SLX4: variants seen among roughly 807,000 people sequenced by gnomAD.
The protein encoded by SLX4 is structure-specific endonuclease subunit SLX4.
SLX4 carries 112 observed loss-of-function variants against 146.2 expected under a neutral mutation model. The ratio of observed to expected loss-of-function variants is 0.77; its 90% CI spans 0.66 to 0.90. The LOEUF (loss-of-function observed/expected upper bound fraction) is 0.90. Ranked by LOEUF, SLX4 falls within the 40% of genes least tolerant of loss-of-function variation. The pLI is 0.00. For missense variants in SLX4, 2,563 were observed against 2,392.7 expected, an observed-to-expected ratio of 1.07 and a Z score of -1.49; for synonymous variants, 1,061 against 997.7, an observed-to-expected ratio of 1.06 and a Z score of -1.20.
rs1261677851 is a variant in SLX4, at chr16:3,595,644, T to C, written c.1974A>G (p.Pro658=). The change falls in exon 9 of 15, where the codon CCA becomes CCG. Residue 658 remains proline, a synonymous_variant. Transcript: ENST00000294008. The part of the protein sequence containing the change: ...GGLPLTGFVV[P]SQDKHPDRGG... Reference sequence around the variant, plus strand: ...CCCTGTCCGGGTGCTTGTCCTGCGATGGCACCACAAACCCAGTCAGAGGAA... The same window carrying C: ...CCCTGTCCGGGTGCTTGTCCTGCGACGGCACCACAAACCCAGTCAGAGGAA... 1 of 1,613,962 alleles carries C rather than the reference T, an allele frequency of 6.2e-7. No individual in the cohort carries two copies. The highest frequency in any genetic ancestry group is 8.5e-7 in the Non-Finnish European group (1 of 1,180,042).
In SLX4 at chr16:3,601,093, G is replaced by A; in HGVS notation, c.1049C>T (p.Thr350Ile). Residue 350 changes from threonine (T) to isoleucine (I), a missense_variant, in exon 5 of 15, where the codon ACC becomes ATC. By Grantham distance (89) the Thr-to-Ile change is moderately conservative (BLOSUM62 -1). Transcript: ENST00000294008. ...GKPFLTLKSR[T>I]SHLKQCAVKM... ...CACAGCACACTGCTTCAAGTGACTG[G>A]TTCTGCTCTTTAAGGTAAGAAACGG... 2 of 1,614,160 alleles carry A rather than the reference G, an allele frequency of 1.2e-6. No homozygotes were observed. The highest frequency in any genetic ancestry group is 2.2e-5 in the East Asian group (1 of 44,882).
chr16:3,597,690 T>C lies in SLX4; in HGVS notation c.1372A>G (p.Lys458Glu), dbSNP rs149126845. ...SERIRPEAEN[K>E]SRKKKPPVSP... ...ACCGGGGGTTTCTTCTTGCGACTTT[T>C]ATTCTCTAGAGAGAAACAAAAGCGA... Residue 458 changes from lysine to glutamate, a missense_variant, in exon 7 of 15, where the codon AAA (lysine) becomes GAA (glutamate). Transcript: ENST00000294008. The surrounding 1 kb of genome is among the most constrained non-coding windows in gnomAD (Gnocchi z 4.4). The C allele has an allele frequency of 7.8e-4, 1,259 of 1,613,912 alleles. No individual in the cohort carries two copies. The highest frequency in any genetic ancestry group is 1.8e-3 in the Admixed American group (110 of 60,008).
rs776332160 is a variant in SLX4, at chr16:3,589,337, G to C, written c.4301C>G (p.Ser1434Trp). 2 of 1,579,290 alleles carry C rather than the reference G, an allele frequency of 1.3e-6. No homozygotes were observed. The highest frequency in any genetic ancestry group is 1.4e-5 in the African/African-American group (1 of 73,952). Reference protein sequence around the residue: ...DDCCWHMEPLSPIPIDHWNLE... With the variant: ...DDCCWHMEPLWPIPIDHWNLE... ...GTTCCAGTGGTCAATGGGAATTGGC[G>C]AGAGGGGCTCCATGTGCCAGCAGCA... is the stretch of plus-strand genomic sequence containing the variant. Residue 1434 changes from serine (S) to tryptophan (W), a missense_variant, in exon 12 of 15, where the codon TCG (serine) becomes TGG (tryptophan). Coordinates refer to ENST00000294008, the MANE Select transcript of SLX4 (RefSeq NM_032444.4). The surrounding 1 kb of genome is among the most constrained non-coding windows in gnomAD (Gnocchi z 6.2).
chr16:3,586,592 C>T (rs1252184450), intron 12 of SLX4, among the ~76,000 whole-genome samples: 2 of 152,126 alleles, frequency 1.3e-5, no homozygotes, highest in Admixed American at 1.3e-4. Flanking sequence ...GGGTGGATCA[C>T]TTGAGGTTAG....
Position 3,589,232 on chromosome 16 carries a change from G to A in SLX4, c.4406C>T (p.Ser1469Phe), listed in dbSNP as rs759045352. Residue 1469 changes from serine (S) to phenylalanine (F), a missense_variant, in exon 12 of 15, where the codon TCC (serine) becomes TTC (phenylalanine). Ser to Phe is a radical substitution (Grantham distance 155). Coordinates refer to ENST00000294008, the MANE Select transcript of SLX4 (RefSeq NM_032444.4). This position sits in a 1 kb window ranked among gnomAD's most constrained non-coding sequence, Gnocchi z 6.2. ...GGGGGTGGTGTCCAGGAGTCCCGGG[G>A]AGCGACAGTCACGGCTGTCGGCGGC... ...NEAADSRDCR[S>F]PGLLDTTPIR... The A allele has an allele frequency of 8.7e-6, 14 of 1,609,794 alleles. No individual in the cohort carries two copies. Among genetic ancestry groups the A allele is most frequent in the Admixed American group, 6.7e-5 (4 of 59,838 alleles).
intron 3 of SLX4, among the ~76,000 whole-genome samples, chr16:3,605,125 T>C (rs1378550724): frequency 6.6e-6 from 1 of 151,840 alleles, no homozygotes; most frequent in Non-Finnish European, 1.5e-5. Context: ...AGTCTTGCTC[T>C]GTTGCCCAGG....
chr16:3,608,923 C>T lies in SLX4; in HGVS notation c.42G>A (p.Leu14=), dbSNP rs1332832206. 6.2e-7 allele frequency: 1 copy of T among 1,613,994 alleles called. No individual in the cohort carries two copies. Among genetic ancestry groups the T allele is most frequent in the Admixed American group, 1.7e-5 (1 of 60,008 alleles). Residue 14 remains leucine (L), a synonymous_variant, in exon 2 of 15, where the codon TTG becomes TTA. Coordinates refer to ENST00000294008, the MANE Select transcript of SLX4 (RefSeq NM_032444.4). ...AGGCAGACAGATGAGAAAGTGAACC[C>T]AAGTAGAAGCCTAGCTGAGCCTCAT... ...SVNEAQLGFY[L]GSLSHLSACP... is the part of the protein sequence containing the mutation.
intron 1 of SLX4, among the ~76,000 whole-genome samples, chr16:3,609,919 C>T (rs561869385): frequency 2.0e-4 from 30 of 152,300 alleles, no homozygotes; most frequent in African/African-American, 7.0e-4. Context: ...GATCTAAGAC[C>T]CCTGGCTGTT....
At position 3,583,317 on chromosome 16, in the gene SLX4, G is replaced by C. The variant is rs778870673; in HGVS notation, c.4933C>G (p.Gln1645Glu). Residue 1645 changes from glutamine to glutamate, a missense_variant, in exon 14 of 15, where the codon CAG becomes GAG. By Grantham distance (29) the Gln-to-Glu change is conservative. Coordinates refer to ENST00000294008, the MANE Select transcript of SLX4 (RefSeq NM_032444.4). ...GCCCCAGGTCCTGTGGTGGCCTCCT[G>C]CTGGGCATGGACCCCTGCCCTTGAA... is the stretch of plus-strand genomic sequence containing the variant. ...KPSRAGVHAQ[Q>E]EATTGPGAHR... The C allele has an allele frequency of 1.2e-6, 2 of 1,614,126 alleles. No individual in the cohort carries two copies. The highest frequency in any genetic ancestry group is 2.2e-5 in the East Asian group (1 of 44,866).
chr16:3,594,678 G>GAGCTAGGTGGGCT (rs1468266039), intron 9 of SLX4, 79 bp from the exon 10 acceptor site: 1 of 1,598,348 alleles, frequency 6.3e-7, no homozygotes, highest in Non-Finnish European at 8.6e-7. Context: ...TCCCCGCATG[G>GAGCTAGGTGGGCT]AGGTGGCGCT....
In SLX4 at chr16:3,589,205, A is replaced by T. The variant is rs780564269; in HGVS notation, c.4433T>A (p.Ile1478Asn). 1.9e-6 allele frequency: 3 copies of T among 1,613,786 alleles called. No individual in the cohort carries two copies. The highest frequency in any genetic ancestry group is 2.5e-6 in the Non-Finnish European group (3 of 1,179,812). Residue 1478 changes from isoleucine to asparagine, a missense_variant, in exon 12 of 15, where the codon ATC (isoleucine) becomes AAC (asparagine). Coordinates refer to ENST00000294008, the MANE Select transcript of SLX4 (RefSeq NM_032444.4). This position sits in a 1 kb window ranked among gnomAD's most constrained non-coding sequence, Gnocchi z 6.2. ...CCTCTGGGTAGTGCAGCTTCCTCGG[A>T]TGGGGGTGGTGTCCAGGAGTCCCGG... ...RSPGLLDTTP[I>N]RGSCTTQRKL... is the part of the protein sequence containing the mutation.
intron 3 of SLX4, among the ~76,000 whole-genome samples, chr16:3,603,114 C>T (rs111974850): frequency 1.1e-4 from 17 of 152,314 alleles, no homozygotes; most frequent in African/African-American, 2.9e-4. Context: ...AGTGCAACGA[C>T]GCGATCTCAG....
chr16:3,583,598 A>G (rs764073063), intron 13 of SLX4, 88 bp from the exon 14 acceptor site: 52 of 1,432,252 alleles, frequency 3.6e-5, no homozygotes, highest in Non-Finnish European at 4.8e-5. Flanking sequence ...GTGATACCCA[A>G]TGCATTCAGC....
chr16:3,599,988 G>A (rs564188193), intron 5 of SLX4, among the ~76,000 whole-genome samples: 15 of 152,338 alleles, frequency 9.8e-5, no homozygotes, highest in Non-Finnish European at 1.3e-4. Context: ...GAAATGGATG[G>A]AGTAAAGTGA....
At chr16:3,601,235 A>G in intron 4 of SLX4, 44 bp from the exon 5 acceptor site, 1 of 1,600,956 alleles carries the variant, frequency 6.2e-7, no homozygotes, top group Non-Finnish European at 8.6e-7. Context: ...CTCCCCAGGA[A>G]TGTGGATTGG....
Position 3,602,111 on chromosome 16 carries a change from C to T in SLX4, c.950+7G>A, listed in dbSNP as rs772672664. On this transcript the variant is annotated splice_region_variant and intron_variant, in intron 4 of 14. Transcript: ENST00000294008. The stretch of plus-strand genomic sequence containing the variant: ...ACGGGAGAGGCGACGGCCCAAGCTG[C>T]CCCCACCTGTTCACATGCTGTTCCC... 4.3e-6 allele frequency: 7 copies of T among 1,613,916 alleles called. No homozygotes were observed. In the Admixed American group the frequency reaches 8.3e-5, roughly 19 times the overall value.
At position 3,597,806 on chromosome 16, in the gene SLX4, G is replaced by A; in HGVS notation, c.1357C>T (p.Pro453Ser). 1.2e-6 allele frequency: 2 copies of A among 1,614,100 alleles called. No homozygotes were observed. Among genetic ancestry groups the A allele is most frequent in the East Asian group, 2.2e-5 (1 of 44,878 alleles). ...LESAFSERIR[P>S]EAENKSRKKK... ...TTCTGATCACACAAACCTGCTTCTGGTCTTATCCTCTCAGAAAAGGCACTT... is the reference window on the plus strand; with the variant it reads ...TTCTGATCACACAAACCTGCTTCTGATCTTATCCTCTCAGAAAAGGCACTT... The change falls in exon 6 of 15, where the codon CCA (proline) becomes TCA (serine). Residue 453 changes from proline (P) to serine (S), a missense_variant. Transcript: ENST00000294008. The surrounding 1 kb of genome is among the most constrained non-coding windows in gnomAD (Gnocchi z 4.4).
intron 2 of SLX4, among the ~76,000 whole-genome samples, chr16:3,608,120 G>A (rs1357738702): frequency 2.6e-5 from 4 of 152,322 alleles, no homozygotes; most frequent in Middle Eastern, 3.4e-3. Context: ...AGGAGTTCAA[G>A]ACCAGCCTGG....
Position 3,609,000 on chromosome 16 carries a change from A to G in SLX4, c.-36T>C. The G allele has an allele frequency of 6.2e-7, 1 of 1,604,412 alleles. No homozygotes were observed. The highest frequency in any genetic ancestry group is 8.5e-7 in the Non-Finnish European group (1 of 1,178,088). On this transcript the variant is annotated 5_prime_UTR_variant, in exon 2 of 15. Coordinates refer to ENST00000294008, the MANE Select transcript of SLX4 (RefSeq NM_032444.4). ...CTCTACTTCTCCATTAGATACTTGG[A>G]GAGTTTGCACAATTGAACAAAAAGT...
Sources: allele counts gnomAD v4.1 joint callset (sites outside exome capture counted in the v4.1 genomes callset), GRCh38; gene constraint gnomAD v4.1.1; non-coding constraint Gnocchi (gnomAD v3.1); transcripts MANE v1.5; gene names NCBI Gene and HGNC (gene_info 2026-07-23, HGNC 2026-07-21).